ETV1: variants seen among roughly 807,000 people sequenced by gnomAD.
ETV1 encodes ETS translocation variant 1.
In ETV1, 27 loss-of-function variants were observed where a neutral mutation model predicts 62.3. The observed-to-expected ratio is 0.43, with a 90% CI of 0.32 to 0.60. ETV1 has a LOEUF of 0.60. ETV1 is among the 20% of genes least tolerant of loss of function. The pLI is 0.06. For missense variants in ETV1, 605 were observed against 605.8 expected (o/e 1.00, Z 0.01); for synonymous variants, 222 against 199.6 (o/e 1.11, Z -0.94).
chr7:13,956,219 A>C (rs940741846), intron 6 of ETV1, among the ~76,000 whole-genome samples: 1 of 152,178 alleles, frequency 6.6e-6, no homozygotes, highest in Non-Finnish European at 1.5e-5. Flanking sequence ...CTTAATTTTC[A>C]CCCTATTTAT....
chr7:13,898,806 A>G (rs1308829121), intron 13 of ETV1, among the ~76,000 whole-genome samples: 2 of 152,208 alleles, frequency 1.3e-5, no homozygotes, highest in Non-Finnish European at 2.9e-5. Flanking sequence ...TGACTATACT[A>G]GAATTTACTT....
At chr7:13,981,779 G>C (rs1782017034) in intron 5 of ETV1, among the ~76,000 whole-genome samples, 1 of 151,850 alleles carries the variant, frequency 6.6e-6, no homozygotes, top group Non-Finnish European at 1.5e-5. Context: ...ATTTCTCTTT[G>C]AATCAAAGAG....
chr7:13,955,441 C>T (rs1032791619), intron 6 of ETV1, among the ~76,000 whole-genome samples: 2 of 152,148 alleles, frequency 1.3e-5, no homozygotes, highest in South Asian at 4.1e-4. Context: ...TAAATATTAA[C>T]TTAAAAACAT....
Position 13,986,797 on chromosome 7 carries a change from G to A in ETV1, c.134-112C>T, listed in dbSNP as rs868728334. On this transcript the variant is annotated intron_variant, in intron 4 of 13. Transcript: ENST00000430479. ...AAATATAAATTTAATTTCAAGAGAC[G>A]CAGTCAACATAAAAATAAAAAAAAG... is the stretch of plus-strand genomic sequence containing the variant. 8.6e-5 allele frequency: 68 copies of A among 792,086 alleles called. 1 individual carries two copies. In the South Asian group the frequency reaches 9.0e-4, roughly 10 times the overall value. The allele number at this position is 792,086 out of a possible 1,614,324, so 49.1% of individuals were successfully genotyped here.
rs182347475 is a variant in ETV1 at position 13,945,507 on chromosome 7, T to A, written c.236-6261A>T. ...AATGAATCTGAGTTGGCAAAAAAAA[T>A]TTTTTTTTTGAATTGCTGCATGTGA... On this transcript the variant is annotated intron_variant, in intron 6 of 13. Coordinates refer to ENST00000430479, the MANE Select transcript of ETV1 (RefSeq NM_004956.5). Among the ~76,000 whole-genome samples the A allele has an allele frequency of 6.2e-3, 930 of 150,832 alleles. 5 individuals are homozygous for A. Among genetic ancestry groups the A allele is most frequent in the African/African-American group, 9.1e-3 (373 of 41,164 alleles).
At chr7:13,983,293 T>A (rs1212061873) in intron 5 of ETV1, among the ~76,000 whole-genome samples, 1 of 152,002 alleles carries the variant, frequency 6.6e-6, no homozygotes, top group Non-Finnish European at 1.5e-5. Flanking sequence ...ATTATTTCCC[T>A]TTAAGTTGTG....
At chr7:13,967,199 A>C (rs940852032) in intron 6 of ETV1, among the ~76,000 whole-genome samples, 3 of 152,152 alleles carry the variant, frequency 2.0e-5, no homozygotes, top group Non-Finnish European at 4.4e-5. Context: ...GCTACAATAA[A>C]AGATAATTAA....
intron 6 of ETV1, among the ~76,000 whole-genome samples, chr7:13,950,020 A>G (rs1455462079): frequency 6.6e-6 from 1 of 152,178 alleles, no homozygotes; most frequent in Non-Finnish European, 1.5e-5. Flanking sequence ...TCGGCAACAC[A>G]GGGGAAAAGT....
chr7:13,988,161 T>C lies in ETV1; in HGVS notation c.58A>G (p.Arg20Gly). Residue 20 changes from arginine (R) to glycine (G), a missense_variant, in exon 4 of 14, where the codon AGA (arginine) becomes GGA (glycine). Arg to Gly is a moderately radical substitution (Grantham distance 125, BLOSUM62 -2). Transcript: ENST00000430479. Reference protein sequence around the residue: ...PYMVTNSQRGRNCNEKPTNVR... With the variant: ...PYMVTNSQRGGNCNEKPTNVR... ...TTTGTTGGTTTCTCGTTACAATTTC[T>C]CCCACGCTGACTCTACAAAGGGAAA... is the stretch of plus-strand genomic sequence containing the variant. 6.2e-7 allele frequency: 1 copy of C among 1,609,538 alleles called. No individual in the cohort carries two copies. Among genetic ancestry groups the C allele is most frequent in the Non-Finnish European group, 8.5e-7 (1 of 1,175,948 alleles).
chr7:13,947,130 A>T (rs1211648140), intron 6 of ETV1, among the ~76,000 whole-genome samples: 1 of 152,194 alleles, frequency 6.6e-6, no homozygotes, highest in African/African-American at 2.4e-5. Flanking sequence ...AACAATCATA[A>T]CATTGGGGCA....
Position 13,893,566 on chromosome 7 carries a change from A to G in ETV1, c.*2300T>C, listed in dbSNP as rs1284442588. On this transcript the variant is annotated 3_prime_UTR_variant, in exon 14 of 14. Transcript: ENST00000430479. ...CTTGTGATAACGTTAGCATGGCCCA[A>G]TTCTTCCTCACTGACTGACTAAAAC... is the stretch of plus-strand genomic sequence containing the variant. 3 of 231,930 alleles carry G rather than the reference A, an allele frequency of 1.3e-5. No homozygotes were observed. The East Asian group carries it at 1.8e-4, about 14-fold the overall frequency. The allele number at this position is 231,930 out of a possible 1,614,324, so 14.4% of individuals were successfully genotyped here. A position where few individuals can be genotyped will look rare whatever the true frequency, so the allele number is the denominator to read the frequency against.
At chr7:13,990,889 A>G (rs1562731960), upstream of ETV1, among the ~76,000 whole-genome samples, 1 of 152,174 alleles carries the variant, frequency 6.6e-6, no homozygotes, top group Non-Finnish European at 1.5e-5. Flanking sequence ...CTCAATTTCT[A>G]TTTGAAAGTT....
At chr7:13,972,047 T>C (rs559210194) in intron 6 of ETV1, among the ~76,000 whole-genome samples, 53 of 152,098 alleles carry the variant, frequency 3.5e-4, no homozygotes, top group African/African-American at 1.2e-3. Flanking sequence ...GAGGCAGGAG[T>C]TGCAGTGAGC....
intron 11 of ETV1, among the ~76,000 whole-genome samples, chr7:13,908,426 C>G (rs190814039): frequency 2.6e-5 from 4 of 152,148 alleles, no homozygotes; most frequent in East Asian, 3.9e-4. Context: ...AAGGTCATTC[C>G]AAGAGTAAGA....
At position 13,984,938 on chromosome 7, in the gene ETV1, A is replaced by AAAAAG. The variant is rs1782397624; in HGVS notation, c.181+1699_181+1700insCTTTT. Among the ~76,000 whole-genome samples the AAAAAG allele has an allele frequency of 2.0e-5, 3 of 151,724 alleles. No homozygotes were observed. The East Asian group carries it at 5.8e-4, about 29-fold the overall frequency. ...CAAGTAAGTCAAAAGTTAAAAAAAA[A>AAAAAG]GTACTGAAACTGATTATAAAATGGT... On this transcript the variant is annotated intron_variant, in intron 5 of 13. Transcript: ENST00000430479.
chr7:13,923,491 G>C (rs139189912), intron 9 of ETV1, among the ~76,000 whole-genome samples: 36 of 152,254 alleles, frequency 2.4e-4, no homozygotes, highest in Middle Eastern at 3.4e-3. Flanking sequence ...AGATAGATTT[G>C]TCAGCTCTGA....
chr7:13,897,896 G>A (rs1184596034), intron 13 of ETV1, among the ~76,000 whole-genome samples: 2 of 152,136 alleles, frequency 1.3e-5, no homozygotes, highest in African/African-American at 2.4e-5. Flanking sequence ...TGGGGCTGTG[G>A]AGGAAGATAC....
chr7:13,913,964 A>C (rs1477164143), intron 9 of ETV1, among the ~76,000 whole-genome samples: 1 of 137,642 alleles, frequency 7.3e-6, no homozygotes, highest in Non-Finnish European at 1.5e-5. Context: ...AGCTCACTGC[A>C]AGCTCCGCCT....
chr7:13,955,337 G>A (rs1309047634), intron 6 of ETV1, among the ~76,000 whole-genome samples: 1 of 152,156 alleles, frequency 6.6e-6, no homozygotes, highest in African/African-American at 2.4e-5. Context: ...AAAATAAGGG[G>A]AGATGTATGA....
Sources: gnomAD v4.1 joint callset for allele counts (sites outside exome capture counted in the v4.1 genomes callset) on GRCh38, gnomAD v4.1.1 for gene constraint, MANE v1.5 for transcripts, NCBI Gene and HGNC (gene_info 2026-07-23, HGNC 2026-07-21) for gene names.